The following PLXNA4 variants were observed in gnomAD, a reference collection of about 807,000 sequenced individuals.
PLXNA4 encodes plexin A4.
PLXNA4 carries 44 observed loss-of-function variants against 191.8 expected under a neutral mutation model. That is an observed-to-expected ratio of 0.23 (90% CI 0.18 to 0.29). The LOEUF (loss-of-function observed/expected upper bound fraction) is 0.29, where lower values mean the gene tolerates loss of function less well. PLXNA4 is among the 10% of genes least tolerant of loss of function. The pLI, the probability that PLXNA4 is intolerant of heterozygous loss-of-function variation, is 1.00. For missense variants in PLXNA4, 1,800 were observed against 2,488.8 expected (o/e 0.72, Z 5.89); for synonymous variants, 1,082 against 1,009.5 (o/e 1.07, Z -1.36).
intron 3 of PLXNA4, among the ~76,000 whole-genome samples, chr7:132,309,737 C>G (rs1279064066): frequency 6.6e-6 from 1 of 152,054 alleles, no homozygotes; most frequent in African/African-American, 2.4e-5. Context: ...AGCTGGAGGC[C>G]CAAAGAAAAC....
At chr7:132,553,606 T>C (rs1800661598) in intron 1 of PLXNA4, among the ~76,000 whole-genome samples, 1 of 152,148 alleles carries the variant, frequency 6.6e-6, no homozygotes. Context: ...TCTTACTCCC[T>C]CCATTGACGT....
At chr7:132,509,666 G>A (rs987194264) in intron 1 of PLXNA4, among the ~76,000 whole-genome samples, 5 of 152,132 alleles carry the variant, frequency 3.3e-5, no homozygotes, top group African/African-American at 9.7e-5. Context: ...GGGCTGTACC[G>A]TGGTCCCTGT....
At chr7:132,577,483 CTCGGAGCTCGCGGCTGACA>C, upstream of PLXNA4, among the ~76,000 whole-genome samples, 1 of 150,818 alleles carries the variant, frequency 6.6e-6, no homozygotes, top group Non-Finnish European at 1.5e-5. Flanking sequence ...CTCTCGCTGG[CTCGGAGCTCGCGGCTGACA>C]TCTAGAGCGA....
At chr7:132,338,780 T>C (rs924375338) in intron 3 of PLXNA4, among the ~76,000 whole-genome samples, 3 of 152,234 alleles carry the variant, frequency 2.0e-5, no homozygotes, top group African/African-American at 4.8e-5. Context: ...CCTCAAATAA[T>C]AACTGTGGGA....
intron 3 of PLXNA4, among the ~76,000 whole-genome samples, chr7:132,457,193 A>G (rs1796345029): frequency 6.6e-6 from 1 of 152,250 alleles, no homozygotes; most frequent in South Asian, 2.1e-4. Flanking sequence ...AACAAAATTA[A>G]CATTGTACTG....
chr7:132,378,278 C>T (rs565941185), intron 3 of PLXNA4, among the ~76,000 whole-genome samples: 1 of 152,256 alleles, frequency 6.6e-6, no homozygotes, highest in East Asian at 1.9e-4. Context: ...AGTGATTCTT[C>T]CCGTTGAAAA....
intron 13 of PLXNA4, among the ~76,000 whole-genome samples, chr7:132,197,026 C>A (rs1797274097): frequency 6.6e-6 from 1 of 152,104 alleles, no homozygotes; most frequent in Non-Finnish European, 1.5e-5. Context: ...ATTTTGCTTG[C>A]AATGATTTTT....
chr7:132,175,152 T>G (rs986110794), intron 20 of PLXNA4, among the ~76,000 whole-genome samples: 2 of 152,122 alleles, frequency 1.3e-5, no homozygotes, highest in African/African-American at 4.8e-5. Flanking sequence ...GGCTAAAACC[T>G]TTCCAAAGTG....
rs71178034 is a variant in PLXNA4 at position 132,311,193 on chromosome 7, T to TGTGTGC, written c.1372-12972_1372-12971insGCACAC. 3.2e-3 allele frequency among the ~76,000 whole-genome samples: 285 copies of TGTGTGC among 89,906 alleles called. 1 individual carries two copies. The highest frequency in any genetic ancestry group is 8.9e-3 in the African/African-American group (232 of 25,980). The allele number at this position is 89,906 out of a possible 152,430, so 59.0% of individuals were successfully genotyped here. ...GTGTGTGTGTGTGTGTGTGTGTGTG[T>TGTGTGC]GCGCGTGTGGCCTAAAGGAGGGTCA... On this transcript the variant is annotated intron_variant, in intron 3 of 31. Coordinates refer to ENST00000321063, the MANE Select transcript of PLXNA4 (RefSeq NM_020911.2).
intron 2 of PLXNA4, among the ~76,000 whole-genome samples, chr7:132,615,809 A>G (rs1462604808): frequency 1.3e-5 from 2 of 152,066 alleles, no homozygotes; most frequent in African/African-American, 4.8e-5. Context: ...ACATGCACAC[A>G]CACACACATG....
intron 4 of PLXNA4, among the ~76,000 whole-genome samples, chr7:132,269,573 G>A (rs1262388720): frequency 6.6e-6 from 1 of 152,176 alleles, no homozygotes; most frequent in African/African-American, 2.4e-5. Flanking sequence ...AGGATCTGAA[G>A]GTGCAGATGC....
At chr7:132,584,039 G>A (rs1802460018) in intron 2 of PLXNA4, among the ~76,000 whole-genome samples, 1 of 152,306 alleles carries the variant, frequency 6.6e-6, no homozygotes, top group African/African-American at 2.4e-5. Context: ...TTTGTGGAGA[G>A]CTGGTTGTTA....
chr7:132,332,970 C>T lies in PLXNA4; in HGVS notation c.1372-34748G>A, dbSNP rs1005026679. Among the ~76,000 whole-genome samples the T allele has an allele frequency of 2.0e-5, 3 of 152,256 alleles. No individual in the cohort carries two copies. In the South Asian group the frequency reaches 6.2e-4, roughly 32 times the overall value. ...CTGATATTTTCCCTTCTTTCTCACT[C>T]TCTCTCTTACTCTTTCTTGCTCTCT... On this transcript the variant is annotated intron_variant, in intron 3 of 31. Coordinates refer to ENST00000321063, the MANE Select transcript of PLXNA4 (RefSeq NM_020911.2).
At chr7:132,525,983 G>A (rs1799385429) in intron 1 of PLXNA4, among the ~76,000 whole-genome samples, 1 of 152,172 alleles carries the variant, frequency 6.6e-6, no homozygotes, top group African/African-American at 2.4e-5. Context: ...TGACCTCTGG[G>A]AACACTGTTC....
rs1055236949 is a variant in PLXNA4 at position 132,133,271 on chromosome 7, C to CA, written c.5439-73dup. ...GTAGAGGAGAGATGGATGCTCCCAG[C>CA]ACCGTGTCTGGGGCCATGAGCTCAG... On this transcript the variant is annotated intron_variant, in intron 30 of 31. Coordinates refer to ENST00000321063, the MANE Select transcript of PLXNA4 (RefSeq NM_020911.2). 2.6e-6 allele frequency: 4 copies of CA among 1,566,860 alleles called. No individual in the cohort carries two copies. In the African/African-American group the frequency reaches 5.4e-5, roughly 21 times the overall value.
Position 132,484,872 on chromosome 7 carries a change from G to C in PLXNA4, c.1371+4420C>G, listed in dbSNP as rs1797484392. The C allele has an allele frequency of 1.9e-6, 3 of 1,614,062 alleles. No individual in the cohort carries two copies. Among genetic ancestry groups the C allele is most frequent in the Non-Finnish European group, 2.5e-6 (3 of 1,180,036 alleles). On this transcript the variant is annotated intron_variant, in intron 3 of 31. Transcript: ENST00000321063. ...CAACAAAGCAGAGGCTGGACTCTCT[G>C]ATCTGATATTGCTTTGTGACTTGAG...
rs181708925 is a variant in PLXNA4 at position 132,135,887 on chromosome 7, G to A, written c.5439-2688C>T. On this transcript the variant is annotated intron_variant, in intron 30 of 31. Transcript: ENST00000321063. ...GGGAGGCTGGATCAAATCAGGGCAC[G>A]TCTGTGGCCACATACTATTGACAGG... Among the ~76,000 whole-genome samples the A allele has an allele frequency of 6.7e-4, 102 of 152,230 alleles. 1 individual carries two copies. Among genetic ancestry groups the A allele is most frequent in the Middle Eastern group, 6.8e-3 (2 of 294 alleles).
At chr7:132,294,056 A>T (rs1317550533) in intron 4 of PLXNA4, among the ~76,000 whole-genome samples, 3 of 152,262 alleles carry the variant, frequency 2.0e-5, no homozygotes, top group Non-Finnish European at 4.4e-5. Flanking sequence ...ATTTTAAATG[A>T]GGAAGACATA....
intron 10 of PLXNA4, among the ~76,000 whole-genome samples, chr7:132,204,127 C>T (rs370371747): frequency 5.3e-5 from 8 of 152,154 alleles, no homozygotes; most frequent in East Asian, 1.9e-4. Flanking sequence ...GCCAGGCTCA[C>T]GCCCAGATTC....
Sources: allele counts gnomAD v4.1 joint callset (sites outside exome capture counted in the v4.1 genomes callset), GRCh38; gene constraint gnomAD v4.1.1; transcripts MANE v1.5; gene names NCBI Gene and HGNC (gene_info 2026-07-23, HGNC 2026-07-21).